Variants in PRSS23 observed in about 807,000 individuals in gnomAD.
PRSS23 encodes protease, serine 23.
Under a neutral mutation model 34.7 loss-of-function variants are expected in PRSS23, and 25 were observed. The observed-to-expected ratio is 0.72, with a 90% CI of 0.53 to 1.01. The LOEUF (loss-of-function observed/expected upper bound fraction) is 1.01. PRSS23 is among the 50% of genes least tolerant of loss of function. The pLI is 0.00. For missense variants in PRSS23, 445 were observed against 475.6 expected, an observed-to-expected ratio of 0.94 and a Z score of 0.60; for synonymous variants, 176 against 186.6, an observed-to-expected ratio of 0.94 and a Z score of 0.46.
chr11:86,939,433 A>AAAAAATATATATATATATAT (rs1565392858), intron 2 of PRSS23, among the ~76,000 whole-genome samples: 2 of 48,152 alleles, frequency 4.2e-5, no homozygotes, highest in East Asian at 5.9e-4. Flanking sequence ...TATATTTTTT[A>AAAAAATATATATATATATAT]ACATGAGTAA....
At chr11:86,943,109 C>T (rs1209779319) in intron 2 of PRSS23, among the ~76,000 whole-genome samples, 1 of 152,220 alleles carries the variant, frequency 6.6e-6, no homozygotes, top group Non-Finnish European at 1.5e-5. Context: ...ACAGAGCTCC[C>T]ATTGGGGGAA....
chr11:86,858,176 A>C (rs1948586221), intron 2 of PRSS23, among the ~76,000 whole-genome samples: 1 of 152,016 alleles, frequency 6.6e-6, no homozygotes, highest in African/African-American at 2.4e-5. Context: ...CATTTCTCCT[A>C]ATATGGTAGG....
chr11:86,834,573 C>CTT (rs748959050), intron 2 of PRSS23, among the ~76,000 whole-genome samples: 4 of 130,644 alleles, frequency 3.1e-5, no homozygotes, highest in African/African-American at 1.2e-4. Flanking sequence ...CTTTCCTTTC[C>CTT]TTTCCTTTCC....
chr11:86,901,654 A>C (rs958483667), intron 2 of PRSS23, among the ~76,000 whole-genome samples: 2 of 152,172 alleles, frequency 1.3e-5, no homozygotes, highest in Admixed American at 6.5e-5. Flanking sequence ...GATCACCTAC[A>C]TATATAGTCA....
At position 86,807,774 on chromosome 11, in the gene PRSS23, C is replaced by T; in HGVS notation, c.131C>T (p.Ser44Phe). 6.2e-7 allele frequency: 1 copy of T among 1,614,196 alleles called. No individual in the cohort carries two copies. Among genetic ancestry groups the T allele is most frequent in the East Asian group, 2.2e-5 (1 of 44,880 alleles). Reference protein sequence around the residue: ...AYRLPVVLPQSTLNLAKPDFG... With the variant: ...AYRLPVVLPQFTLNLAKPDFG... ...CGCCTCCCTGTCGTCTTGCCCCAGT[C>T]TACCCTCAATTTAGCCAAGCCAGAC... Residue 44 changes from serine (S) to phenylalanine (F), a missense_variant, in exon 2 of 2, where the codon TCT (serine) becomes TTT (phenylalanine). Ser to Phe is a radical substitution (Grantham distance 155, BLOSUM62 -2). Transcript: ENST00000280258.
At chr11:86,842,740 A>C (rs1000001306) in intron 2 of PRSS23, among the ~76,000 whole-genome samples, 1 of 152,234 alleles carries the variant, frequency 6.6e-6, no homozygotes, top group Non-Finnish European at 1.5e-5. Flanking sequence ...CTTCAAGGAG[A>C]ACAACAAATC....
rs760635076 is a variant in PRSS23 at position 86,808,800 on chromosome 11, G to A, written c.*5G>A. 21 of 1,597,250 alleles carry A rather than the reference G, an allele frequency of 1.3e-5. No homozygotes were observed. Among genetic ancestry groups the A allele is most frequent in the Middle Eastern group, 1.7e-4 (1 of 5,994 alleles). On this transcript the variant is annotated 3_prime_UTR_variant, in exon 2 of 2. Coordinates refer to ENST00000280258, the MANE Select transcript of PRSS23 (RefSeq NM_007173.6). ...CTGGATTGTAGGGAGGGGTGACACA[G>A]TGTTCCCTCCTGGCAGCAATTAAGG...
At chr11:86,800,366 GCTGCTCCACC>G (rs1321903455), upstream of PRSS23, 1 of 853,400 alleles carries the variant, frequency 1.2e-6, no homozygotes, top group South Asian at 5.3e-5. Context: ...GGCCCTCTGG[GCTGCTCCACC>G]CTGCTCCGGC....
chr11:86,940,812 C>G (rs2135026719), intron 2 of PRSS23: 1 of 152,350 alleles, frequency 6.6e-6, no homozygotes, highest in African/African-American at 2.4e-5. Context: ...ATGAGGAGGA[C>G]TGACCATGTA....
chr11:86,952,121 C>T, exon 3 of PRSS23: 1 of 1,613,708 alleles, frequency 6.2e-7, no homozygotes, highest in Non-Finnish European at 8.5e-7. Flanking sequence ...GGCTGAGCGG[C>T]TGTATAAGCC....
At chr11:86,792,605 T>G (rs1204254165) in intron 1 of PRSS23, among the ~76,000 whole-genome samples, 1 of 152,100 alleles carries the variant, frequency 6.6e-6, no homozygotes, top group Non-Finnish European at 1.5e-5. Flanking sequence ...AGGAGAAACA[T>G]AAGCTGAAAA....
chr11:86,857,623 G>T (rs889145644), intron 2 of PRSS23: 3 of 520,464 alleles, frequency 5.8e-6, no homozygotes, highest in Non-Finnish European at 1.2e-5. Context: ...AGTGCAGGGG[G>T]TGACAGATGG....
chr11:86,899,761 C>A (rs529651648), intron 2 of PRSS23, among the ~76,000 whole-genome samples: 1 of 151,952 alleles, frequency 6.6e-6, no homozygotes, highest in African/African-American at 2.4e-5. Context: ...CGTGATCCAC[C>A]TGCCTCGGCC....
chr11:86,945,010 G>C (rs1736322963), intron 2 of PRSS23, among the ~76,000 whole-genome samples: 1 of 152,142 alleles, frequency 6.6e-6, no homozygotes, highest in African/African-American at 2.4e-5. Flanking sequence ...CCTTCCCTCT[G>C]TATGTGAGGT....
At chr11:86,796,882 T>C (rs748947026), upstream of PRSS23, among the ~76,000 whole-genome samples, 16 of 152,264 alleles carry the variant, frequency 1.1e-4, no homozygotes, top group Non-Finnish European at 2.1e-4. Flanking sequence ...GCTCAAATTC[T>C]ACCTCAAAGC....
intron 2 of PRSS23, among the ~76,000 whole-genome samples, chr11:86,869,923 T>C (rs1179723676): frequency 1.3e-5 from 2 of 152,164 alleles, no homozygotes; most frequent in African/African-American, 4.8e-5. Flanking sequence ...ACTGAATTAA[T>C]AAGTGAGTGG....
At chr11:86,903,481 C>CTTTTTTTT (rs10688682) in intron 2 of PRSS23, among the ~76,000 whole-genome samples, 1 of 124,960 alleles carries the variant, frequency 8.0e-6, no homozygotes, top group African/African-American at 3.1e-5. Context: ...AACATACAAT[C>CTTTTTTTT]TTTTTTTTTT....
chr11:86,856,085 T>A (rs1948568837), intron 2 of PRSS23, among the ~76,000 whole-genome samples: 1 of 152,200 alleles, frequency 6.6e-6, no homozygotes, highest in Non-Finnish European at 1.5e-5. Flanking sequence ...CCATTTTATG[T>A]ATGTACAAGT....
At chr11:86,887,011 A>C (rs1368556653) in intron 2 of PRSS23, among the ~76,000 whole-genome samples, 1 of 152,210 alleles carries the variant, frequency 6.6e-6, no homozygotes, top group African/African-American at 2.4e-5. Flanking sequence ...AAACGATGGA[A>C]TTATTACTAT....
Sources: gnomAD v4.1 joint callset for allele counts (sites outside exome capture counted in the v4.1 genomes callset) on GRCh38, gnomAD v4.1.1 for gene constraint, MANE v1.5 for transcripts, NCBI Gene and HGNC (gene_info 2026-07-23, HGNC 2026-07-21) for gene names.